Variants in SGPP2 observed in about 807,000 individuals in gnomAD.
SGPP2 encodes sphingosine 1-phosphate phosphohydrolase 2.
In SGPP2, 30 loss-of-function variants were observed where a neutral mutation model predicts 33.9. The observed-to-expected ratio is 0.89, with a 90% CI of 0.66 to 1.20. SGPP2 has a LOEUF of 1.20. Ranked by LOEUF, SGPP2 falls within the 50% of genes most tolerant of loss-of-function variation. SGPP2 has a pLI of 0.00. For synonymous variants in SGPP2, 233 were observed against 225.0 expected (o/e 1.04, Z -0.32); for missense variants, 458 against 532.1 (o/e 0.86, Z 1.37).
intron 4 of SGPP2, among the ~76,000 whole-genome samples, chr2:222,544,620 A>G (rs1478043811): frequency 6.6e-6 from 1 of 152,222 alleles, no homozygotes; most frequent in African/African-American, 2.4e-5. Flanking sequence ...TTAGGGAATC[A>G]TGACAAGAAA....
At chr2:222,532,228 C>T (rs1312705828) in intron 4 of SGPP2, among the ~76,000 whole-genome samples, 3 of 151,670 alleles carry the variant, frequency 2.0e-5, no homozygotes, top group East Asian at 1.9e-4. Context: ...GAGCCGAGAT[C>T]GCGCCATTGC....
chr2:222,539,422 T>C (rs75082328), intron 4 of SGPP2, among the ~76,000 whole-genome samples: 2 of 152,196 alleles, frequency 1.3e-5, no homozygotes, highest in African/African-American at 4.8e-5. Flanking sequence ...ATACAGGGAA[T>C]GTGGTGCTTA....
chr2:222,535,549 G>A (rs1459363501), intron 4 of SGPP2, among the ~76,000 whole-genome samples: 2 of 152,214 alleles, frequency 1.3e-5, no homozygotes, highest in Non-Finnish European at 2.9e-5. Context: ...GAGTGATGCA[G>A]AGGTCAGAGG....
chr2:222,531,913 T>G (rs35872369), intron 4 of SGPP2, among the ~76,000 whole-genome samples: 49,486 of 152,000 alleles, frequency 0.33, 8,615 homozygotes, highest in Middle Eastern at 0.49. Flanking sequence ...CCACTCTGAT[T>G]GCACACAGCT....
chr2:222,531,437 A>G (rs958240217), intron 4 of SGPP2, among the ~76,000 whole-genome samples: 2 of 152,208 alleles, frequency 1.3e-5, no homozygotes, highest in African/African-American at 4.8e-5. Context: ...AGGAAATCTT[A>G]TATGATTCCA....
At position 222,465,957 on chromosome 2, in the gene SGPP2, C is replaced by T. The variant is rs1697738827; in HGVS notation, c.220-8611C>T. Among the ~76,000 whole-genome samples, 1 of 152,132 alleles carries T rather than the reference C, an allele frequency of 6.6e-6. No individual in the cohort carries two copies. The highest frequency in any genetic ancestry group is 1.5e-5 in the Non-Finnish European group (1 of 68,038). ...GACACACATTGATCACTTTGTAACC[C>T]ATTTCCTGCTTTAATTTCGTCATAG... On this transcript the variant is annotated intron_variant, in intron 1 of 4. Transcript: ENST00000321276. The surrounding 1 kb of genome is among the most constrained non-coding windows in gnomAD (Gnocchi z 4.1).
intron 4 of SGPP2, among the ~76,000 whole-genome samples, chr2:222,538,321 G>A (rs1423253008): frequency 6.6e-6 from 1 of 152,130 alleles, no homozygotes; most frequent in African/African-American, 2.4e-5. Context: ...AAATTAAATT[G>A]TACTCCTGCA....
intron 2 of SGPP2, among the ~76,000 whole-genome samples, chr2:222,501,468 C>T (rs945840156): frequency 3.3e-5 from 5 of 152,150 alleles, no homozygotes; most frequent in Non-Finnish European, 5.9e-5. Flanking sequence ...TGTCTTTTTA[C>T]AGGAGCTTAA....
chr2:222,486,840 C>T (rs909011744), intron 2 of SGPP2, among the ~76,000 whole-genome samples: 1 of 151,738 alleles, frequency 6.6e-6, no homozygotes, highest in Non-Finnish European at 1.5e-5. Flanking sequence ...TATATTAAGG[C>T]TTTTTTTTGT....
intron 1 of SGPP2, among the ~76,000 whole-genome samples, chr2:222,449,292 G>C (rs1432402431): frequency 1.3e-5 from 2 of 152,130 alleles, no homozygotes; most frequent in African/African-American, 2.4e-5. Flanking sequence ...TTGACATTTT[G>C]ATTGCAGGCT....
At chr2:222,481,228 G>A (rs1183196644) in intron 2 of SGPP2, among the ~76,000 whole-genome samples, 1 of 152,014 alleles carries the variant, frequency 6.6e-6, no homozygotes, top group Non-Finnish European at 1.5e-5. Context: ...TCCTGCACGT[G>A]TACCCCGACC....
At chr2:222,542,282 C>A (rs1270357806) in intron 4 of SGPP2, among the ~76,000 whole-genome samples, 2 of 152,200 alleles carry the variant, frequency 1.3e-5, no homozygotes, top group Non-Finnish European at 2.9e-5. Context: ...GCATCTAACT[C>A]ATGACCATAT....
intron 1 of SGPP2, among the ~76,000 whole-genome samples, chr2:222,458,764 T>G (rs1697611200): frequency 1.3e-5 from 2 of 152,194 alleles, no homozygotes; most frequent in Admixed American, 1.3e-4. Context: ...AAGAAACCCA[T>G]GCTCATTAGC....
intron 1 of SGPP2, among the ~76,000 whole-genome samples, 159 bp from the exon 2 acceptor site, chr2:222,474,409 T>C (rs1697897446): frequency 6.6e-6 from 1 of 152,236 alleles, no homozygotes; most frequent in African/African-American, 2.4e-5. Flanking sequence ...TTGAATAAAT[T>C]GAGGTTGAAA....
intron 1 of SGPP2, among the ~76,000 whole-genome samples, chr2:222,455,541 C>T (rs1416056605): frequency 6.6e-6 from 1 of 152,168 alleles, no homozygotes; most frequent in Non-Finnish European, 1.5e-5. Context: ...TTGACCATGG[C>T]TGTGCTTTGG....
chr2:222,435,028 G>GCATATATATGTGTATATATACACA (rs1697216268), intron 1 of SGPP2, among the ~76,000 whole-genome samples: 1 of 140,544 alleles, frequency 7.1e-6, no homozygotes, highest in South Asian at 2.3e-4. Context: ...GTATATGTGT[G>GCATATATATGTGTATATATACACA]TATATATATG....
intron 2 of SGPP2, among the ~76,000 whole-genome samples, chr2:222,497,761 A>C (rs4674659): frequency 0.77 from 116,504 of 152,198 alleles, 49,712 homozygotes; most frequent in East Asian, 0.98. Context: ...CAAAACAGAC[A>C]ATAACAAGTA....
chr2:222,440,804 G>T (rs4673021), intron 1 of SGPP2, among the ~76,000 whole-genome samples: 116,828 of 151,816 alleles, frequency 0.77, 45,056 homozygotes, highest in Middle Eastern at 0.9. Context: ...ATTAATCCCC[G>T]TCTTCACCCA....
chr2:222,483,351 G>A (rs1698058210), intron 2 of SGPP2, among the ~76,000 whole-genome samples: 1 of 151,718 alleles, frequency 6.6e-6, no homozygotes, highest in South Asian at 2.1e-4. Flanking sequence ...TGATAAGGAA[G>A]CCTTAAAAGT....
Sources: gnomAD v4.1 joint callset for allele counts (sites outside exome capture counted in the v4.1 genomes callset) on GRCh38, gnomAD v4.1.1 for gene constraint, Gnocchi (gnomAD v3.1) non-coding constraint, MANE v1.5 for transcripts, NCBI Gene and HGNC (gene_info 2026-07-23, HGNC 2026-07-21) for gene names.